RNF175: variants seen among roughly 807,000 people sequenced by gnomAD.
The protein encoded by RNF175 is ring finger protein 175.
In RNF175, 38 loss-of-function variants were observed where a neutral mutation model predicts 50.0. The ratio of observed to expected loss-of-function variants is 0.76; its 90% CI spans 0.59 to 1.00. The LOEUF is 1.00. Among genes scored for constraint, RNF175 ranks in the 50% least tolerant of loss-of-function variants. RNF175 has a pLI of 0.00. For missense variants in RNF175, 388 were observed against 409.6 expected, an observed-to-expected ratio of 0.95 and a Z score of 0.46; for synonymous variants, 155 against 146.1, an observed-to-expected ratio of 1.06 and a Z score of -0.44.
At chr4:153,748,517 T>G in intron 3 of RNF175, 128 bp downstream of exon 3, 6 of 777,414 alleles carry the variant, frequency 7.7e-6, no homozygotes, top group South Asian at 2.9e-5. Context: ...TGCACTTGGT[T>G]GAGAACCACT....
At chr4:153,712,893 T>A (rs1737686697) in intron 7 of RNF175, among the ~76,000 whole-genome samples, 1 of 151,030 alleles carries the variant, frequency 6.6e-6, no homozygotes, top group South Asian at 2.1e-4. Flanking sequence ...CTTCCATAAG[T>A]GTATTGTTAT....
chr4:153,736,648 T>G (rs1285997718), intron 3 of RNF175, among the ~76,000 whole-genome samples: 2 of 152,234 alleles, frequency 1.3e-5, no homozygotes, highest in Non-Finnish European at 2.9e-5. Flanking sequence ...CTTGGTGCTT[T>G]CTTTTTTGGA....
intron 1 of RNF175, among the ~76,000 whole-genome samples, chr4:153,756,638 C>T (rs1480012113): frequency 6.6e-6 from 1 of 152,200 alleles, no homozygotes; most frequent in Non-Finnish European, 1.5e-5. Context: ...GGAGTGGTGC[C>T]TCCCATGTGC....
In RNF175 at chr4:153,728,311, T is replaced by C; in HGVS notation, c.297A>G (p.Lys99=). ...TAGACAGAAACCGCCACCAGTATAA[T>C]TTTATCGTGAAATATAAGGGGACAA... ...MWVVPLYFTI[K]LYWWRFLSMW... is the part of the protein sequence containing the mutation. Residue 99 remains lysine, a synonymous_variant, in exon 4 of 9, where the codon AAA becomes AAG. Coordinates refer to ENST00000347063, the MANE Select transcript of RNF175 (RefSeq NM_173662.4). The C allele has an allele frequency of 6.2e-7, 1 of 1,613,666 alleles. No homozygotes were observed. The highest frequency in any genetic ancestry group is 8.5e-7 in the Non-Finnish European group (1 of 1,179,612).
At chr4:153,735,417 T>C (rs1312838871) in intron 3 of RNF175, among the ~76,000 whole-genome samples, 3 of 152,232 alleles carry the variant, frequency 2.0e-5, no homozygotes, top group Non-Finnish European at 4.4e-5. Context: ...TACCATGCTA[T>C]ATTTATTACT....
rs141843227 is a variant in RNF175 at position 153,738,997 on chromosome 4, C to T, written c.246+9648G>A. On this transcript the variant is annotated intron_variant, in intron 3 of 8. Transcript: ENST00000347063. ...TGTTGGTATTATAGGTACCTTATAA[C>T]AGAAATCCCAATTCCTCCCTCCCAT... Among the ~76,000 whole-genome samples, 1,248 of 152,314 alleles carry T rather than the reference C, an allele frequency of 8.2e-3. 15 individuals carry two copies. The highest frequency in any genetic ancestry group is 0.029 in the African/African-American group (1,187 of 41,570).
chr4:153,752,412 C>T (rs1374701228), intron 1 of RNF175, among the ~76,000 whole-genome samples: 2 of 152,294 alleles, frequency 1.3e-5, no homozygotes, highest in East Asian at 3.9e-4. Context: ...CACCTGGGGG[C>T]AGGGAGCCAT....
intron 5 of RNF175, 104 bp from the exon 6 acceptor site, chr4:153,720,408 G>T: frequency 2.7e-5 from 24 of 874,728 alleles, no homozygotes; most frequent in East Asian, 7.7e-5. Flanking sequence ...AACCTTGTGG[G>T]TATTTTTTTT....
At chr4:153,750,259 G>GTAACA (rs1740211870) in intron 2 of RNF175, among the ~76,000 whole-genome samples, 1 of 152,088 alleles carries the variant, frequency 6.6e-6, no homozygotes, top group South Asian at 2.1e-4. Flanking sequence ...ACACCACAGG[G>GTAACA]TAACAGTCTG....
intron 3 of RNF175, among the ~76,000 whole-genome samples, chr4:153,748,107 C>T (rs573576414): frequency 1.3e-5 from 2 of 152,324 alleles, no homozygotes; most frequent in Admixed American, 1.3e-4. Context: ...ATGGCCAAAT[C>T]GCCTCTTATT....
chr4:153,727,933 A>C (rs935714798), intron 4 of RNF175, among the ~76,000 whole-genome samples: 43 of 152,218 alleles, frequency 2.8e-4, no homozygotes, highest in Non-Finnish European at 8.8e-5. Flanking sequence ...ATGCTCTAGA[A>C]ATTTTAAACA....
chr4:153,712,677 T>C, intron 7 of RNF175, 101 bp from the exon 8 acceptor site: 1 of 770,004 alleles, frequency 1.3e-6, no homozygotes, highest in East Asian at 2.7e-5. Context: ...GGTGGAGTCA[T>C]GACTTGATGA....
In RNF175 at chr4:153,715,769, G is replaced by C. The variant is rs145953827; in HGVS notation, c.631-107C>G. 68 of 1,194,518 alleles carry C rather than the reference G, an allele frequency of 5.7e-5. No homozygotes were observed. The African/African-American group carries it at 9.0e-4, about 16-fold the overall frequency. The allele number at this position is 1,194,518 out of a possible 1,614,324, so 74.0% of individuals were successfully genotyped here. ...TGGGACAGGCAGCCCTTGGCACATA[G>C]AATCTCCACTGCGGCCGGGCATGGT... is the stretch of plus-strand genomic sequence containing the variant. On this transcript the variant is annotated intron_variant, in intron 6 of 8. Coordinates refer to ENST00000347063, the MANE Select transcript of RNF175 (RefSeq NM_173662.4).
intron 1 of RNF175, among the ~76,000 whole-genome samples, chr4:153,757,749 T>A (rs1384907936): frequency 1.3e-5 from 2 of 151,806 alleles, no homozygotes; most frequent in African/African-American, 4.8e-5. Context: ...CCTAAACCCA[T>A]GGTCTCTGCT....
chr4:153,715,787 GGCATGGTGGCTCATGCCTGTAATCCCA>G (rs1737879431), intron 6 of RNF175, 125 bp from the exon 7 acceptor site: 10 of 947,514 alleles, frequency 1.1e-5, no homozygotes. Flanking sequence ...ACTGCGGCCG[GGCATGGTGGCTCATGCCTGTAATCCCA>G]GCACTTTGGG....
intron 3 of RNF175, among the ~76,000 whole-genome samples, chr4:153,730,322 G>C (rs180874289): frequency 7.6e-4 from 115 of 152,138 alleles, no homozygotes; most frequent in Admixed American, 1.4e-3. Context: ...TGTAGTCCCA[G>C]CTACTCAGAA....
intron 3 of RNF175, among the ~76,000 whole-genome samples, chr4:153,733,133 G>C (rs1739137965): frequency 6.6e-6 from 1 of 151,930 alleles, no homozygotes; most frequent in Non-Finnish European, 1.5e-5. Context: ...AAATTTAAAA[G>C]ACCACCTCAG....
intron 4 of RNF175, among the ~76,000 whole-genome samples, chr4:153,724,285 G>T (rs1738536751): frequency 6.6e-6 from 1 of 152,232 alleles, no homozygotes; most frequent in African/African-American, 2.4e-5. Context: ...GGAGGATGGG[G>T]GAAGAGGTTG....
At chr4:153,732,250 C>CA (rs1025101542) in intron 3 of RNF175, among the ~76,000 whole-genome samples, 14 of 150,938 alleles carry the variant, frequency 9.3e-5, no homozygotes, top group Non-Finnish European at 1.5e-4. Context: ...AAAACAAAAA[C>CA]AAAAAACAAA....
Sources: gnomAD v4.1 joint callset for allele counts (sites outside exome capture counted in the v4.1 genomes callset) on GRCh38, gnomAD v4.1.1 for gene constraint, MANE v1.5 for transcripts, NCBI Gene and HGNC (gene_info 2026-07-23, HGNC 2026-07-21) for gene names.